CNTN5: variants seen among roughly 807,000 people sequenced by gnomAD.
CNTN5 encodes contactin 5.
A neutral mutation model predicts 129.1 loss-of-function variants in CNTN5; 77 were observed. The ratio of observed to expected loss-of-function variants is 0.60; its 90% CI spans 0.50 to 0.72. CNTN5 has a LOEUF of 0.72. Among genes scored for constraint, CNTN5 ranks in the 30% least tolerant of loss-of-function variants. The pLI is 0.00. For synonymous variants in CNTN5, 509 were observed against 465.6 expected (o/e 1.09, Z -1.20); for missense variants, 1,478 against 1,328.8 (o/e 1.11, Z -1.75).
At chr11:99,136,809 G>A (rs1318055065) in intron 1 of CNTN5, among the ~76,000 whole-genome samples, 1 of 151,922 alleles carries the variant, frequency 6.6e-6, no homozygotes, top group Non-Finnish European at 1.5e-5. Flanking sequence ...TGATATCTGT[G>A]TTTCATCCCA....
At chr11:99,454,606 A>G (rs1332420800) in intron 2 of CNTN5, among the ~76,000 whole-genome samples, 1 of 152,236 alleles carries the variant, frequency 6.6e-6, no homozygotes, top group Non-Finnish European at 1.5e-5. Flanking sequence ...TCATGATTGT[A>G]AGTTTCCTGA....
chr11:100,128,349 A>G (rs1413668225), intron 13 of CNTN5, among the ~76,000 whole-genome samples: 1 of 152,106 alleles, frequency 6.6e-6, no homozygotes, highest in African/African-American at 2.4e-5. Context: ...CTAATCAATC[A>G]GTAACTGCAG....
intron 13 of CNTN5, among the ~76,000 whole-genome samples, chr11:100,183,165 A>G (rs905773134): frequency 6.6e-6 from 1 of 152,174 alleles, no homozygotes; most frequent in Non-Finnish European, 1.5e-5. Flanking sequence ...AAAGTGGTAC[A>G]ACCACTTGGA....
intron 24 of CNTN5, among the ~76,000 whole-genome samples, chr11:100,355,341 C>T (rs184227438): frequency 6.6e-6 from 1 of 151,782 alleles, no homozygotes. Context: ...TCTACAGGGG[C>T]AATCATACAC....
intron 3 of CNTN5, among the ~76,000 whole-genome samples, chr11:99,758,883 T>C (rs1198461184): frequency 2.0e-5 from 3 of 152,022 alleles, no homozygotes; most frequent in Non-Finnish European, 4.4e-5. Flanking sequence ...GTAATAAATC[T>C]GGAGTAAAAA....
chr11:99,083,141 G>A (rs919262501), intron 1 of CNTN5, among the ~76,000 whole-genome samples: 5 of 152,088 alleles, frequency 3.3e-5, no homozygotes, highest in Admixed American at 3.3e-4. Flanking sequence ...AATCTTCCCT[G>A]CCACCTGTTT....
chr11:99,980,491 T>G (rs751301545), intron 8 of CNTN5, among the ~76,000 whole-genome samples: 16 of 152,214 alleles, frequency 1.1e-4, no homozygotes, highest in Non-Finnish European at 2.1e-4. Context: ...GGTACAGCCC[T>G]GCTTCTGAGA....
rs1014056648 is a variant in CNTN5 at position 100,350,575 on chromosome 11, A to G, written c.3031-127A>G. 4 of 619,388 alleles carry G rather than the reference A, an allele frequency of 6.5e-6. No individual in the cohort carries two copies. In the African/African-American group the frequency reaches 7.5e-5, roughly 12 times the overall value. 38.4% of individuals were successfully genotyped at this position (619,388 alleles called of 1,614,324 possible). Reference sequence around the variant, plus strand: ...CTGCAGTAGACTGCACATGTATTACATTTGCTTATGTATCTGTCTAAACTG... The same window carrying G: ...CTGCAGTAGACTGCACATGTATTACGTTTGCTTATGTATCTGTCTAAACTG... On this transcript the variant is annotated intron_variant, in intron 23 of 24. Transcript: ENST00000524871.
intron 9 of CNTN5, among the ~76,000 whole-genome samples, chr11:100,015,484 T>C (rs994190831): frequency 2.6e-5 from 4 of 152,144 alleles, no homozygotes; most frequent in Non-Finnish European, 5.9e-5. Context: ...TGGTGGCCTA[T>C]AAGCACAGAG....
At chr11:99,550,072 C>A (rs1948432832) in intron 2 of CNTN5, among the ~76,000 whole-genome samples, 1 of 152,052 alleles carries the variant, frequency 6.6e-6, no homozygotes, top group African/African-American at 2.4e-5. Flanking sequence ...AAAAACTGAT[C>A]TTCACTATGC....
At position 99,523,597 on chromosome 11, in the gene CNTN5, GATAGAATAGAATAGA is replaced by G. The variant is rs541032430; in HGVS notation, c.-70-32506_-70-32492del. On this transcript the variant is annotated intron_variant, in intron 2 of 24. Transcript: ENST00000524871. Reference sequence around the variant, plus strand: ...AGAGGGAGACCCCATCTCAAAGAAAGATAGAATAGAATAGAATAGAATAGAATAGAATAGAATAGA... The same window carrying G: ...AGAGGGAGACCCCATCTCAAAGAAAGATAGAATAGAATAGAATAGAATAGA... Among the ~76,000 whole-genome samples the G allele has an allele frequency of 1.6e-3, 209 of 127,486 alleles. 1 individual carries two copies. Among genetic ancestry groups the G allele is most frequent in the Middle Eastern group, 3.9e-3 (1 of 258 alleles). 83.6% of individuals were successfully genotyped at this position (127,486 alleles called of 152,430 possible).
chr11:99,106,433 A>G (rs1001605263), intron 1 of CNTN5, among the ~76,000 whole-genome samples: 4 of 151,308 alleles, frequency 2.6e-5, no homozygotes, highest in Non-Finnish European at 5.9e-5. Context: ...AAATTTTGTT[A>G]CAGACTACAT....
At chr11:100,223,827 A>G (rs1171442936) in intron 15 of CNTN5, among the ~76,000 whole-genome samples, 6 of 152,202 alleles carry the variant, frequency 3.9e-5, no homozygotes, top group Non-Finnish European at 8.8e-5. Flanking sequence ...TATTGTAAAT[A>G]TCAACCAGAT....
At chr11:99,173,301 G>A (rs992044881) in intron 1 of CNTN5, among the ~76,000 whole-genome samples, 3 of 152,030 alleles carry the variant, frequency 2.0e-5, no homozygotes, top group African/African-American at 7.2e-5. Context: ...AGGTATTCTG[G>A]GACTTCTAAA....
rs146825503 is a variant in CNTN5 at position 99,649,707 on chromosome 11, G to C, written c.55+93438G>C. On this transcript the variant is annotated intron_variant, in intron 3 of 24. Coordinates refer to ENST00000524871, the MANE Select transcript of CNTN5 (RefSeq NM_014361.4). The stretch of plus-strand genomic sequence containing the variant: ...AGAAATTTCATTTGTTTAAGAAGGG[G>C]GCTCACTGAAGAAGGAAATTTTTAG... Among the ~76,000 whole-genome samples, 340 of 150,692 alleles carry C rather than the reference G, an allele frequency of 2.3e-3. 2 individuals are homozygous for C. The highest frequency in any genetic ancestry group is 1.1e-3 in the Non-Finnish European group (73 of 67,306).
chr11:99,161,564 A>G (rs1394702854), intron 1 of CNTN5, among the ~76,000 whole-genome samples: 1 of 152,192 alleles, frequency 6.6e-6, no homozygotes, highest in Non-Finnish European at 1.5e-5. Context: ...TAAGAATGGT[A>G]GAGCAGAAAG....
chr11:99,367,536 G>T (rs1939529462), intron 2 of CNTN5, among the ~76,000 whole-genome samples: 1 of 152,004 alleles, frequency 6.6e-6, no homozygotes, highest in African/African-American at 2.4e-5. Flanking sequence ...TAGCATACAG[G>T]TCAGATATGA....
At chr11:99,285,016 A>T (rs971666999) in intron 1 of CNTN5, among the ~76,000 whole-genome samples, 4 of 152,048 alleles carry the variant, frequency 2.6e-5, no homozygotes, top group Admixed American at 2.6e-4. Context: ...TTTTATTTTT[A>T]AAATTTTTTA....
At chr11:99,933,013 T>C (rs776793962) in intron 7 of CNTN5, among the ~76,000 whole-genome samples, 3 of 152,226 alleles carry the variant, frequency 2.0e-5, no homozygotes, top group African/African-American at 7.2e-5. Context: ...GACATAGCCC[T>C]GGATGTTATC....
Sources: gnomAD v4.1 joint callset for allele counts (sites outside exome capture counted in the v4.1 genomes callset) on GRCh38, gnomAD v4.1.1 for gene constraint, MANE v1.5 for transcripts, NCBI Gene and HGNC (gene_info 2026-07-23, HGNC 2026-07-21) for gene names.